P4HA2: variants seen among roughly 807,000 people sequenced by gnomAD.
P4HA2 encodes prolyl 4-hydroxylase subunit alpha-2.
A neutral mutation model predicts 76.9 loss-of-function variants in P4HA2; 46 were observed. The ratio of observed to expected loss-of-function variants is 0.60; its 90% CI spans 0.47 to 0.76. P4HA2 has a LOEUF of 0.76. Ranked by LOEUF, P4HA2 falls within the 30% of genes least tolerant of loss-of-function variation. P4HA2 has a pLI of 0.00. For missense variants in P4HA2, 583 were observed against 669.4 expected, an observed-to-expected ratio of 0.87 and a Z score of 1.42; for synonymous variants, 243 against 254.0, an observed-to-expected ratio of 0.96 and a Z score of 0.41.
In P4HA2 at chr5:132,195,433, C is replaced by T. The variant is rs1750495280; in HGVS notation, c.1413G>A (p.Gly471=). The part of the protein sequence containing the change: ...AGGATVFPDL[G]AAIWPKKGTA... ...TTACCTTCTTAGGCCAAATTGCAGC[C>T]CCCAGATCAGGGAAGACGGTGGCAC... The change falls in exon 13 of 15, where the codon GGG becomes GGA. Residue 471 remains glycine, a synonymous_variant. Coordinates refer to ENST00000360568, the MANE Select transcript of P4HA2 (RefSeq NM_001017974.2). The T allele has an allele frequency of 1.2e-6, 2 of 1,613,226 alleles. No individual in the cohort carries two copies. The highest frequency in any genetic ancestry group is 1.7e-5 in the Admixed American group (1 of 60,000).
intron 1 of P4HA2, among the ~76,000 whole-genome samples, chr5:132,225,047 A>AG (rs1179808883): frequency 1.5e-5 from 1 of 67,156 alleles, no homozygotes; most frequent in South Asian, 5.5e-4. Context: ...CTCTGCTCTG[A>AG]GGAAAAAAAA....
At chr5:132,201,822 C>G (rs1281941535) in intron 10 of P4HA2, 1 of 152,128 alleles carries the variant, frequency 6.6e-6, no homozygotes, top group Non-Finnish European at 1.5e-5. Context: ...GAGTGTAAGA[C>G]AGGGATACAG....
Position 132,207,655 on chromosome 5 carries a change from A to T in P4HA2, c.1080+53T>A, listed in dbSNP as rs1196654081. On this transcript the variant is annotated intron_variant, in intron 8 of 14. Transcript: ENST00000360568. ...AACCACCCATAGTGCTAGGGATGAG[A>T]AAAAGGACCTTCCCCCTTCAGTGAC... 6 of 1,520,862 alleles carry T rather than the reference A, an allele frequency of 3.9e-6. No individual in the cohort carries two copies. The East Asian group carries it at 1.4e-4, about 34-fold the overall frequency. The allele number at this position is 1,520,862 out of a possible 1,614,324, so 94.2% of individuals were successfully genotyped here. A position where few individuals can be genotyped will look rare whatever the true frequency, so the allele number is the denominator to read the frequency against.
At chr5:132,205,185 G>A (rs1355694694) in intron 8 of P4HA2, among the ~76,000 whole-genome samples, 1 of 152,222 alleles carries the variant, frequency 6.6e-6, no homozygotes, top group Non-Finnish European at 1.5e-5. Context: ...CCATCCTGTG[G>A]AAGCTCAGGG....
intron 5 of P4HA2, among the ~76,000 whole-genome samples, chr5:132,210,996 A>T (rs556418613): frequency 1.3e-5 from 2 of 152,228 alleles, no homozygotes; most frequent in East Asian, 3.9e-4. Context: ...GGAGAAGATG[A>T]CTAAGGCCAG....
Position 132,191,172 on chromosome 5 carries a change from C to T in P4HA2, c.*1838G>A, listed in dbSNP as rs888546969. 1.3e-5 allele frequency among the ~76,000 whole-genome samples: 2 copies of T among 152,188 alleles called. No homozygotes were observed. Among genetic ancestry groups the T allele is most frequent in the Admixed American group, 1.3e-4 (2 of 15,270 alleles). On this transcript the variant is annotated 3_prime_UTR_variant, in exon 15 of 15. Coordinates refer to ENST00000360568, the MANE Select transcript of P4HA2 (RefSeq NM_001017974.2). ...ACTCACGTGGGCTCCATGCTTACGA[C>T]CTCCCAAGGGCTCCGCATCCTAATA...
rs1169396996 is a variant in P4HA2, at chr5:132,198,348, C to A, written c.1338G>T (p.Gly446=). 2 of 1,613,914 alleles carry A rather than the reference C, an allele frequency of 1.2e-6. No individual in the cohort carries two copies. The highest frequency in any genetic ancestry group is 2.2e-5 in the South Asian group (2 of 91,060). ...RPFDSGLKTE[G]NRLATFLNYM... ...AGTTAAGAAACGTCGCTAACCTATT[C>A]CCCTCTGTTTTGAGGCCGCTGTCAA... The change falls in exon 12 of 15, where the codon GGG becomes GGT. Residue 446 remains glycine (G), a synonymous_variant. Coordinates refer to ENST00000360568, the MANE Select transcript of P4HA2 (RefSeq NM_001017974.2).
chr5:132,210,378 G>T lies in P4HA2; in HGVS notation c.615C>A (p.Thr205=). Residue 205 remains threonine (T), a synonymous_variant, in exon 6 of 15, where the codon ACC becomes ACA. Coordinates refer to ENST00000360568, the MANE Select transcript of P4HA2 (RefSeq NM_001017974.2). ...TGAGGTAGTCCAGCACCTGTGACTT[G>T]GTTGTGGTGGCCTCCTCCCCGGCAT... is the stretch of plus-strand genomic sequence containing the variant. The part of the protein sequence containing the change: ...QLDAGEEATT[T]KSQVLDYLSY... The T allele has an allele frequency of 1.9e-6, 3 of 1,614,080 alleles. No homozygotes were observed. Among genetic ancestry groups the T allele is most frequent in the East Asian group, 2.2e-5 (1 of 44,872 alleles).
chr5:132,210,588 C>T, intron 5 of P4HA2, 65 bp from the exon 6 acceptor site: 7 of 1,564,196 alleles, frequency 4.5e-6, no homozygotes, highest in Non-Finnish European at 6.2e-6. Flanking sequence ...GAGATTCCCA[C>T]TTCAAGGAAA....
rs1346238841 is a variant in P4HA2, at chr5:132,192,990, G to A, written c.*20C>T. The A allele has an allele frequency of 6.5e-7, 1 of 1,543,358 alleles. No homozygotes were observed. The highest frequency in any genetic ancestry group is 9.0e-7 in the Non-Finnish European group (1 of 1,115,416). On this transcript the variant is annotated 3_prime_UTR_variant, in exon 15 of 15. Transcript: ENST00000360568. ...TGACATGGGCTGAAGGACCAGGAAG[G>A]GGAAGGACAGAAAAGGATGTCAGTC... is the stretch of plus-strand genomic sequence containing the variant.
At chr5:132,195,535 T>A in intron 12 of P4HA2, 55 bp from the exon 13 acceptor site, 1 of 1,342,800 alleles carries the variant, frequency 7.4e-7, no homozygotes, top group Non-Finnish European at 1.1e-6. Flanking sequence ...TCAGAGCAAT[T>A]GAGCCACAAA....
At chr5:132,222,876 G>A (rs945556561) in intron 1 of P4HA2, among the ~76,000 whole-genome samples, 3 of 152,200 alleles carry the variant, frequency 2.0e-5, no homozygotes, top group Admixed American at 2.0e-4. Context: ...TGTTAAAACT[G>A]ACATGCAAAA....
At chr5:132,221,066 G>A (rs999563547) in intron 1 of P4HA2, among the ~76,000 whole-genome samples, 6 of 152,186 alleles carry the variant, frequency 3.9e-5, no homozygotes, top group Admixed American at 3.9e-4. Flanking sequence ...AGTCAGATTG[G>A]GAGGAGGCAG....
chr5:132,192,170 G>A lies in P4HA2; in HGVS notation c.*840C>T, dbSNP rs1233882963. 6.6e-6 allele frequency: 1 copy of A among 152,268 alleles called. No homozygotes were observed. Among genetic ancestry groups the A allele is most frequent in the Non-Finnish European group, 1.5e-5 (1 of 68,048 alleles). The allele number at this position is 152,268 out of a possible 1,614,324, so 9.4% of individuals were successfully genotyped here. Reference sequence around the variant, plus strand: ...ATTTATCTCCAAAGTGCTGGGGGCAGTGAAGGAGATGTGATCTAGGAGGGG... The same window carrying A: ...ATTTATCTCCAAAGTGCTGGGGGCAATGAAGGAGATGTGATCTAGGAGGGG... On this transcript the variant is annotated 3_prime_UTR_variant, in exon 15 of 15. Transcript: ENST00000360568.
At chr5:132,210,873 T>C (rs1752985750) in intron 5 of P4HA2, among the ~76,000 whole-genome samples, 1 of 152,056 alleles carries the variant, frequency 6.6e-6, no homozygotes, top group African/African-American at 2.4e-5. Flanking sequence ...GTGGGCAGTT[T>C]GCCATATGAG....
intron 13 of P4HA2, 27 bp from the exon 14 acceptor site, chr5:132,195,049 A>G (rs774740292): frequency 1.4e-6 from 2 of 1,470,538 alleles, no homozygotes; most frequent in Non-Finnish European, 1.9e-6. Context: ...CTTTCAGAAC[A>G]CATTCTTAAG....
chr5:132,212,028 C>T (rs1753158068), intron 5 of P4HA2, among the ~76,000 whole-genome samples: 1 of 152,142 alleles, frequency 6.6e-6, no homozygotes, highest in Non-Finnish European at 1.5e-5. Flanking sequence ...AATGTCTACT[C>T]CCTGGAGAGC....
chr5:132,201,534 C>T lies in P4HA2; in HGVS notation c.1251+2214G>A. The T allele has an allele frequency of 1.3e-5, 2 of 152,182 alleles. 1 individual carries two copies. Among genetic ancestry groups the T allele is most frequent in the African/African-American group, 4.8e-5 (2 of 41,446 alleles). 9.4% of individuals were successfully genotyped at this position (152,182 alleles called of 1,614,324 possible). On this transcript the variant is annotated intron_variant, in intron 10 of 14. Coordinates refer to ENST00000360568, the MANE Select transcript of P4HA2 (RefSeq NM_001017974.2). The stretch of plus-strand genomic sequence containing the variant: ...GAAACCCAGGTTCCTGTTCCCCAGA[C>T]CATGAAGGATCAAAGCCTTCAATAC...
intron 9 of P4HA2, 97 bp downstream of exon 9, chr5:132,203,985 G>A: frequency 1.7e-6 from 2 of 1,187,938 alleles, no homozygotes; most frequent in South Asian, 2.4e-5. Context: ...GGAGGTGCCA[G>A]CAGGCAGGAA....
Sources: allele counts gnomAD v4.1 joint callset (sites outside exome capture counted in the v4.1 genomes callset), GRCh38; gene constraint gnomAD v4.1.1; transcripts MANE v1.5; gene names NCBI Gene and HGNC (gene_info 2026-07-23, HGNC 2026-07-21).